Variants in DNAH14 observed in about 807,000 individuals in gnomAD.
DNAH14 encodes axonemal beta dynein heavy chain 14.
Under a neutral mutation model 520.9 loss-of-function variants are expected in DNAH14, and 478 were observed. That is an observed-to-expected ratio of 0.92 (90% CI 0.85 to 0.99). The LOEUF (loss-of-function observed/expected upper bound fraction) is 0.99, where lower values mean the gene tolerates loss of function less well. Ranked by LOEUF, DNAH14 falls within the 50% of genes least tolerant of loss-of-function variation. DNAH14 has a pLI of 0.00. For missense variants in DNAH14, 4,831 were observed against 5,234.5 expected (o/e 0.92, Z 2.38); for synonymous variants, 1,581 against 1,757.2 (o/e 0.90, Z 2.51).
rs896063508 is a variant in DNAH14, at chr1:225,259,012, C to A, written c.7025-109C>A. ...TTTAAAAGGGAAGAACAAAAAAACA[C>A]TTTTTATGCAATTTTCAATTGAGGG... On this transcript the variant is annotated intron_variant, in intron 45 of 85. Transcript: ENST00000682510. 1.8e-5 allele frequency: 22 copies of A among 1,210,838 alleles called. No homozygotes were observed. In the South Asian group the frequency reaches 3.8e-4, roughly 21 times the overall value. The allele number at this position is 1,210,838 out of a possible 1,614,324, so 75.0% of individuals were successfully genotyped here. A position where few individuals can be genotyped will look rare whatever the true frequency, so the allele number is the denominator to read the frequency against.
chr1:225,175,421 GT>G (rs2083200894), intron 36 of DNAH14, among the ~76,000 whole-genome samples: 1 of 151,966 alleles, frequency 6.6e-6, no homozygotes, highest in Non-Finnish European at 1.5e-5. Flanking sequence ...TTTCTAATTT[GT>G]TGGCATATAG....
chr1:224,972,568 C>T lies in DNAH14; in HGVS notation c.768-1523C>T, dbSNP rs183181274. 5.6e-3 allele frequency among the ~76,000 whole-genome samples: 849 copies of T among 152,062 alleles called. 10 individuals carry two copies. Among genetic ancestry groups the T allele is most frequent in the African/African-American group, 0.02 (812 of 41,452 alleles). ...GCAAGCTCCGCCTCCCGGGTTCACA[C>T]GATTCTCCTGCCTCAGCCTCCCGAG... On this transcript the variant is annotated intron_variant, in intron 7 of 85. Coordinates refer to ENST00000682510, the MANE Select transcript of DNAH14 (RefSeq NM_001367479.1).
intron 20 of DNAH14, among the ~76,000 whole-genome samples, chr1:225,083,861 C>A (rs1393075816): frequency 6.6e-6 from 1 of 152,072 alleles, no homozygotes; most frequent in Non-Finnish European, 1.5e-5. Flanking sequence ...AAATCTAGCA[C>A]AATTTTAGTG....
rs12081290 is a variant in DNAH14 at position 225,079,364 on chromosome 1, A to G, written c.2582A>G (p.His861Arg). Reference sequence around the variant, plus strand: ...CAGCTATATTCTGTTGCAAAGCATCACCAGATCCATATTTCAGAAGAGCAA... The same window carrying G: ...CAGCTATATTCTGTTGCAAAGCATCGCCAGATCCATATTTCAGAAGAGCAA... ...MSQLYSVAKH[H>R]QIHISEEQIA... The change falls in exon 18 of 86, where the codon CAC (histidine) becomes CGC (arginine). Residue 861 changes from histidine to arginine, a missense_variant. Physicochemically the swap from His to Arg is conservative, Grantham distance 29. Transcript: ENST00000682510. 4.1e-3 allele frequency: 6,431 copies of G among 1,550,870 alleles called. 231 individuals are homozygous for G. In the African/African-American group the frequency reaches 0.076, roughly 18 times the overall value.
At chr1:225,119,111 A>G (rs2077099266) in intron 25 of DNAH14, 109 bp from the exon 26 acceptor site, 6 of 719,418 alleles carry the variant, frequency 8.3e-6, no homozygotes, top group Non-Finnish European at 1.0e-5. Flanking sequence ...CCTTTGGCCC[A>G]TGAATATTAT....
chr1:225,092,173 TAAAC>T (rs2074457556), intron 21 of DNAH14, among the ~76,000 whole-genome samples: 1 of 151,918 alleles, frequency 6.6e-6, no homozygotes, highest in Admixed American at 6.6e-5. Context: ...AGGCAGAAAA[TAAAC>T]AAAGATATTC....
chr1:225,340,795 C>A, intron 69 of DNAH14, 94 bp downstream of exon 69: 1 of 1,351,304 alleles, frequency 7.4e-7, no homozygotes, highest in Non-Finnish European at 9.9e-7. Context: ...CCAAAAATAC[C>A]AAATCTCCAT....
At position 225,290,641 on chromosome 1, in the gene DNAH14, GTGTGTGTATATATATATA is replaced by G. The variant is rs1400875733; in HGVS notation, c.8469+561_8469+578del. On this transcript the variant is annotated intron_variant, in intron 55 of 85. Coordinates refer to ENST00000682510, the MANE Select transcript of DNAH14 (RefSeq NM_001367479.1). ...TGTGTGTATAGATATATGTGTGTGT[GTGTGTGTATATATATATA>G]TATATATATATATATATATATATAT... 8.4e-3 allele frequency among the ~76,000 whole-genome samples: 766 copies of G among 91,240 alleles called. 48 individuals carry two copies. The highest frequency in any genetic ancestry group is 0.039 in the Admixed American group (305 of 7,872). The allele number at this position is 91,240 out of a possible 152,430, so 59.9% of individuals were successfully genotyped here.
intron 17 of DNAH14, among the ~76,000 whole-genome samples, chr1:225,058,336 C>G (rs908398422): frequency 7.9e-5 from 12 of 152,150 alleles, no homozygotes; most frequent in African/African-American, 2.4e-4. Context: ...TGATAGTATT[C>G]TCTGATGGTA....
intron 8 of DNAH14, among the ~76,000 whole-genome samples, chr1:224,991,985 T>C (rs2063089351): frequency 2.0e-5 from 3 of 152,204 alleles, no homozygotes; most frequent in Admixed American, 6.5e-5. Flanking sequence ...CACTATTTAT[T>C]GAAGAGACTA....
chr1:225,080,552 A>C lies in DNAH14; in HGVS notation c.2940A>C (p.Glu980Asp), dbSNP rs1327685681. The change falls in exon 19 of 86, where the codon GAA (glutamate) becomes GAC (aspartate). Residue 980 changes from glutamate to aspartate, a missense_variant. Transcript: ENST00000682510. The stretch of plus-strand genomic sequence containing the variant: ...ATATGCATTCTGTTAATGTGGAAGA[A>C]ATTACACAGATTGTGCTTTCAGAGA... The part of the protein sequence containing the change: ...QSHMHSVNVE[E>D]ITQIVLSEIS... 2 of 1,551,942 alleles carry C rather than the reference A, an allele frequency of 1.3e-6. No homozygotes were observed. Among genetic ancestry groups the C allele is most frequent in the Non-Finnish European group, 1.7e-6 (2 of 1,147,018 alleles).
intron 46 of DNAH14, among the ~76,000 whole-genome samples, chr1:225,259,861 G>C (rs2092872137): frequency 6.6e-6 from 1 of 152,090 alleles, no homozygotes; most frequent in African/African-American, 2.4e-5. Flanking sequence ...TGTCCTCCAG[G>C]TTCATCCATG....
At chr1:224,992,483 T>G (rs942088384) in intron 8 of DNAH14, among the ~76,000 whole-genome samples, 5 of 152,076 alleles carry the variant, frequency 3.3e-5, no homozygotes, top group African/African-American at 1.2e-4. Context: ...GTGTGGCTAT[T>G]TAAATGCAGT....
At chr1:225,307,828 A>G in intron 59 of DNAH14, among the ~76,000 whole-genome samples, 1 of 152,236 alleles carries the variant, frequency 6.6e-6, no homozygotes. Context: ...TATATAGCTA[A>G]CTGTAGAAGC....
Position 225,085,730 on chromosome 1 carries a change from G to C in DNAH14, c.3514G>C (p.Glu1172Gln). ...TATAGATGACATATCAGCTCAGTTA[G>C]AAGAGTCTCAAGTCATACTTGCAAC... ...PSIDDISAQLEESQVILATIK... is the reference protein window; with the variant it reads ...PSIDDISAQLQESQVILATIK... The change falls in exon 21 of 86, where the codon GAA (glutamate) becomes CAA (glutamine). Residue 1172 changes from glutamate to glutamine, a missense_variant. Transcript: ENST00000682510. 1.9e-6 allele frequency: 3 copies of C among 1,551,524 alleles called. No homozygotes were observed. Among genetic ancestry groups the C allele is most frequent in the Non-Finnish European group, 2.6e-6 (3 of 1,146,832 alleles).
intron 80 of DNAH14, among the ~76,000 whole-genome samples, chr1:225,380,563 A>C (rs776491481): frequency 6.6e-6 from 1 of 152,322 alleles, no homozygotes; most frequent in Non-Finnish European, 1.5e-5. Flanking sequence ...AAGAAATAAC[A>C]AGTGTAGCAA....
intron 73 of DNAH14, among the ~76,000 whole-genome samples, chr1:225,356,304 G>GC (rs1200112440): frequency 1.3e-4 from 20 of 152,174 alleles, no homozygotes; most frequent in African/African-American, 4.6e-4. Flanking sequence ...GGCAGCAATA[G>GC]CTAGAGCTGA....
intron 73 of DNAH14, among the ~76,000 whole-genome samples, chr1:225,356,974 A>G (rs554152705): frequency 6.6e-6 from 1 of 152,190 alleles, no homozygotes; most frequent in Admixed American, 6.5e-5. Flanking sequence ...GAGTGTACAT[A>G]TAGGAAAACT....
intron 7 of DNAH14, among the ~76,000 whole-genome samples, chr1:224,972,756 C>T (rs564435454): frequency 1.2e-4 from 18 of 152,230 alleles, no homozygotes; most frequent in East Asian, 3.9e-4. Context: ...TGAGCCACCG[C>T]GCTTGGCCAA....
Sources: allele counts gnomAD v4.1 joint callset (sites outside exome capture counted in the v4.1 genomes callset), GRCh38; gene constraint gnomAD v4.1.1; transcripts MANE v1.5; gene names NCBI Gene and HGNC (gene_info 2026-07-23, HGNC 2026-07-21).